The following DGKB variants were observed in gnomAD, a reference collection of about 807,000 sequenced individuals.
The protein encoded by DGKB is 90 kDa diacylglycerol kinase.
DGKB carries 67 observed loss-of-function variants against 114.3 expected under a neutral mutation model. That is an observed-to-expected ratio of 0.59 (90% confidence interval 0.48 to 0.72). The LOEUF (loss-of-function observed/expected upper bound fraction) is 0.72, where lower values mean the gene tolerates loss of function less well. Among genes scored for constraint, DGKB ranks in the 30% least tolerant of loss-of-function variants. DGKB has a pLI of 0.00. For synonymous variants in DGKB, 398 were observed against 323.1 expected (o/e 1.23, Z -2.49); for missense variants, 907 against 975.2 (o/e 0.93, Z 0.93).
chr7:14,313,155 T>G (rs940874113), intron 23 of DGKB, among the ~76,000 whole-genome samples: 1 of 152,178 alleles, frequency 6.6e-6, no homozygotes, highest in African/African-American at 2.4e-5. Flanking sequence ...AAGAATAATA[T>G]CCAAAAGTAT....
chr7:14,689,199 A>T (rs367883071), intron 9 of DGKB, among the ~76,000 whole-genome samples: 1,629 of 76,242 alleles, frequency 0.021, 18 homozygotes, highest in Non-Finnish European at 0.027. Context: ...AACTCCTCTT[A>T]TTTTTTTTTT....
intron 20 of DGKB, among the ~76,000 whole-genome samples, chr7:14,510,523 G>A (rs1028276226): frequency 1.3e-5 from 2 of 151,950 alleles, no homozygotes; most frequent in Admixed American, 6.6e-5. Flanking sequence ...TTTCTACCAC[G>A]TATGCAGTTA....
At chr7:14,869,916 T>C (rs958325259) in intron 1 of DGKB, among the ~76,000 whole-genome samples, 1 of 152,168 alleles carries the variant, frequency 6.6e-6, no homozygotes, top group Admixed American at 6.6e-5. Context: ...GAAGACAATT[T>C]AAATAATGTT....
intron 20 of DGKB, among the ~76,000 whole-genome samples, chr7:14,549,697 A>C (rs1178316869): frequency 1.3e-5 from 2 of 152,252 alleles, no homozygotes; most frequent in East Asian, 3.9e-4. Flanking sequence ...GACGATTAAA[A>C]TCTCTAGCTG....
chr7:14,349,774 T>A (rs1442468140), intron 21 of DGKB, among the ~76,000 whole-genome samples: 1 of 152,154 alleles, frequency 6.6e-6, no homozygotes, highest in Non-Finnish European at 1.5e-5. Flanking sequence ...AAAAGCACAT[T>A]TAAGCATTTA....
At chr7:14,886,021 A>T (rs1045869137) in intron 1 of DGKB, among the ~76,000 whole-genome samples, 2 of 151,930 alleles carry the variant, frequency 1.3e-5, no homozygotes, top group Non-Finnish European at 2.9e-5. Context: ...CTATACAAGA[A>T]AATTGATAGT....
At chr7:14,631,545 C>A (rs562511205) in intron 13 of DGKB, among the ~76,000 whole-genome samples, 45 of 152,148 alleles carry the variant, frequency 3.0e-4, no homozygotes, top group Non-Finnish European at 5.4e-4. Flanking sequence ...CTCTGGCCAA[C>A]TATCCATTCC....
At chr7:14,935,355 G>A (rs758242633) in intron 1 of DGKB, among the ~76,000 whole-genome samples, 16 of 152,174 alleles carry the variant, frequency 1.1e-4, no homozygotes, top group South Asian at 4.1e-4. Context: ...AATAACAGGC[G>A]TCAATGATTA....
At chr7:14,528,779 G>C (rs1476774802) in intron 20 of DGKB, among the ~76,000 whole-genome samples, 2 of 152,000 alleles carry the variant, frequency 1.3e-5, no homozygotes, top group Non-Finnish European at 2.9e-5. Flanking sequence ...CAGGTAATTG[G>C]TACCTTAAAT....
intron 5 of DGKB, among the ~76,000 whole-genome samples, chr7:14,731,495 A>G (rs1188032552): frequency 2.0e-5 from 3 of 152,170 alleles, no homozygotes; most frequent in African/African-American, 7.2e-5. Flanking sequence ...AATAATAAAT[A>G]ATTTTTACAT....
chr7:14,209,672 C>A, intron 23 of DGKB: 1 of 341,834 alleles, frequency 2.9e-6, no homozygotes, highest in Non-Finnish European at 5.7e-6. Context: ...AAAAAATAAC[C>A]TACTTAAATA....
intron 19 of DGKB, among the ~76,000 whole-genome samples, chr7:14,577,617 A>AC (rs569210529): frequency 1.2e-3 from 156 of 131,036 alleles, no homozygotes; most frequent in African/African-American, 6.2e-3. Context: ...ACTCCGTCTC[A>AC]AAAAAAAAAA....
chr7:14,956,889 A>C (rs890603550), intron 1 of DGKB, among the ~76,000 whole-genome samples: 6 of 151,908 alleles, frequency 3.9e-5, no homozygotes, highest in Non-Finnish European at 7.4e-5. Context: ...AGTTAACATG[A>C]AGTTAAACAT....
intron 23 of DGKB, among the ~76,000 whole-genome samples, chr7:14,203,160 C>CAAAAAAAAAA (rs1786170528): frequency 3.1e-5 from 2 of 64,148 alleles, no homozygotes; most frequent in African/African-American, 8.3e-5. Context: ...AGAGCAGTAG[C>CAAAAAAAAAA]CAAAAAAAAA....
chr7:14,449,476 C>T (rs774435663), intron 21 of DGKB, among the ~76,000 whole-genome samples: 3 of 151,884 alleles, frequency 2.0e-5, no homozygotes, highest in African/African-American at 7.3e-5. Flanking sequence ...TTCCAAACAC[C>T]CCCTACACTT....
At chr7:14,866,037 G>T (rs1253237287) in intron 1 of DGKB, among the ~76,000 whole-genome samples, 4 of 152,100 alleles carry the variant, frequency 2.6e-5, no homozygotes, top group Non-Finnish European at 5.9e-5. Flanking sequence ...TGGTAATAGA[G>T]GAAGGTTACT....
At chr7:14,218,797 G>GT (rs1562651553) in intron 23 of DGKB, among the ~76,000 whole-genome samples, 1 of 151,542 alleles carries the variant, frequency 6.6e-6, no homozygotes, top group Non-Finnish European at 1.5e-5. Context: ...GTGAAATTCA[G>GT]TTTTTTTTAG....
chr7:14,189,466 A>G (rs939317997), intron 23 of DGKB, among the ~76,000 whole-genome samples: 16 of 152,156 alleles, frequency 1.1e-4, no homozygotes, highest in Admixed American at 9.8e-4. Context: ...CCACCAAACC[A>G]CAGAGGTAAA....
intron 1 of DGKB, among the ~76,000 whole-genome samples, chr7:14,917,179 GAAGA>G (rs1369005560): frequency 6.6e-6 from 1 of 151,944 alleles, no homozygotes; most frequent in Non-Finnish European, 1.5e-5. Flanking sequence ...TATTATAAAA[GAAGA>G]GAGATCTAAA....
Sources: allele counts gnomAD v4.1 joint callset (sites outside exome capture counted in the v4.1 genomes callset), GRCh38; gene constraint gnomAD v4.1.1; transcripts MANE v1.5; gene names NCBI Gene and HGNC (gene_info 2026-07-23, HGNC 2026-07-21).